The following FBXL5 variants were observed in gnomAD, a reference collection of about 807,000 sequenced individuals.
FBXL5 encodes F-box/LRR-repeat protein 5.
A neutral mutation model predicts 78.3 loss-of-function variants in FBXL5; 26 were observed. The ratio of observed to expected loss-of-function variants is 0.33; its 90% CI spans 0.24 to 0.46. The LOEUF (loss-of-function observed/expected upper bound fraction) is 0.46, where lower values mean the gene tolerates loss of function less well. FBXL5 is among the 20% of genes least tolerant of loss of function. FBXL5 has a pLI of 1.00. For synonymous variants in FBXL5, 295 were observed against 282.5 expected, an observed-to-expected ratio of 1.04 and a Z score of -0.45; for missense variants, 710 against 829.2, an observed-to-expected ratio of 0.86 and a Z score of 1.77.
chr4:15,674,689 G>A (rs538393796), intron 1 of FBXL5, among the ~76,000 whole-genome samples: 33 of 147,474 alleles, frequency 2.2e-4, no homozygotes, highest in African/African-American at 7.5e-4. Flanking sequence ...TCACTCTGTC[G>A]CCCAGGCTGG....
At chr4:15,618,909 C>CCTAT (rs1221265527) in intron 9 of FBXL5, among the ~76,000 whole-genome samples, 1 of 103,896 alleles carries the variant, frequency 9.6e-6, no homozygotes, top group Non-Finnish European at 2.1e-5. Context: ...GTGGCTCATG[C>CCTAT]CTGTAATCCC....
chr4:15,668,859 G>A (rs889741371), intron 1 of FBXL5, among the ~76,000 whole-genome samples: 1 of 152,186 alleles, frequency 6.6e-6, no homozygotes, highest in Non-Finnish European at 1.5e-5. Context: ...GATATGGTAT[G>A]TATAACTTTA....
At chr4:15,672,267 C>CT (rs1717800206) in intron 1 of FBXL5, among the ~76,000 whole-genome samples, 1 of 152,234 alleles carries the variant, frequency 6.6e-6, no homozygotes, top group Non-Finnish European at 1.5e-5. Context: ...GCTTTCCAGT[C>CT]TGTCTTGTGG....
chr4:15,650,060 C>T (rs1388268970), intron 1 of FBXL5, among the ~76,000 whole-genome samples: 1 of 152,148 alleles, frequency 6.6e-6, no homozygotes, highest in Non-Finnish European at 1.5e-5. Flanking sequence ...GTAATTTTGC[C>T]ACCCCACTAC....
In FBXL5 at chr4:15,638,201, G is replaced by A. The variant is rs545738304; in HGVS notation, c.583+307C>T. 2.0e-5 allele frequency among the ~76,000 whole-genome samples: 3 copies of A among 152,284 alleles called. No individual in the cohort carries two copies. The South Asian group carries it at 6.2e-4, about 32-fold the overall frequency. On this transcript the variant is annotated intron_variant, in intron 4 of 10. Transcript: ENST00000341285. The stretch of plus-strand genomic sequence containing the variant: ...TAGTTTTCAACAATTTTGACTGATC[G>A]ATTTTGAGCAGGCCAGTGCTCTGTA...
chr4:15,608,441 G>A (rs1374726155), intron 10 of FBXL5, among the ~76,000 whole-genome samples: 1 of 151,840 alleles, frequency 6.6e-6, no homozygotes, highest in Non-Finnish European at 1.5e-5. Flanking sequence ...CAGAGATAAT[G>A]GGGGAAGAAA....
At chr4:15,640,961 G>A in intron 2 of FBXL5, 78 bp from the exon 3 acceptor site, 1 of 746,614 alleles carries the variant, frequency 1.3e-6, no homozygotes, top group East Asian at 3.0e-5. Flanking sequence ...AGTTTAAAAT[G>A]TGACATAAAA....
At chr4:15,657,850 G>A (rs1475985881), upstream of FBXL5, among the ~76,000 whole-genome samples, 1 of 152,184 alleles carries the variant, frequency 6.6e-6, no homozygotes, top group African/African-American at 2.4e-5. Flanking sequence ...GGGTTATTAA[G>A]ACCAAGGTTG....
intron 1 of FBXL5, among the ~76,000 whole-genome samples, chr4:15,669,524 C>A (rs368442189): frequency 5.3e-5 from 8 of 151,882 alleles, no homozygotes; most frequent in Admixed American, 5.2e-4. Context: ...GCAACAGAGA[C>A]CTTGTCTCAA....
At chr4:15,667,943 T>A (rs987998944) in intron 1 of FBXL5, among the ~76,000 whole-genome samples, 2 of 150,930 alleles carry the variant, frequency 1.3e-5, no homozygotes, top group African/African-American at 4.9e-5. Flanking sequence ...CGGGAGGTTG[T>A]GGGAGGAGAA....
chr4:15,681,549 T>A (rs1028751801), exon 1 of FBXL5: 1 of 154,886 alleles, frequency 6.5e-6, no homozygotes, highest in Non-Finnish European at 1.5e-5. Context: ...TTCTCCGCGG[T>A]GTCTCCTAGG....
chr4:15,616,287 G>C (rs1711860776), intron 9 of FBXL5, among the ~76,000 whole-genome samples: 1 of 152,208 alleles, frequency 6.6e-6, no homozygotes, highest in South Asian at 2.1e-4. Context: ...ACACATTATG[G>C]CTGCCTCTGC....
At chr4:15,659,463 C>G (rs1280653380), upstream of FBXL5, among the ~76,000 whole-genome samples, 1 of 152,152 alleles carries the variant, frequency 6.6e-6, no homozygotes, top group Non-Finnish European at 1.5e-5. Context: ...AGATTCAGTT[C>G]TGGGAATCTC....
intron 1 of FBXL5, among the ~76,000 whole-genome samples, chr4:15,646,062 T>G (rs1473545189): frequency 6.6e-6 from 1 of 152,166 alleles, no homozygotes; most frequent in Non-Finnish European, 1.5e-5. Context: ...ATTGGCAACT[T>G]TTCTATAAAA....
At chr4:15,660,409 G>A (rs954878890), upstream of FBXL5, among the ~76,000 whole-genome samples, 5 of 152,050 alleles carry the variant, frequency 3.3e-5, no homozygotes, top group African/African-American at 1.2e-4. Context: ...ACTCAAAACA[G>A]AGTACCAAAA....
At chr4:15,657,857 G>T (rs368721385), upstream of FBXL5, among the ~76,000 whole-genome samples, 131 of 152,248 alleles carry the variant, frequency 8.6e-4, no homozygotes, top group African/African-American at 2.8e-3. Context: ...TAAGACCAAG[G>T]TTGTCACTTT....
At chr4:15,643,835 T>C (rs1462714919) in intron 2 of FBXL5, among the ~76,000 whole-genome samples, 3 of 152,228 alleles carry the variant, frequency 2.0e-5, no homozygotes, top group Non-Finnish European at 4.4e-5. Flanking sequence ...CAGCAAATGT[T>C]AACAGAATGT....
At chr4:15,647,857 T>C (rs528808619) in intron 1 of FBXL5, among the ~76,000 whole-genome samples, 180 of 152,160 alleles carry the variant, frequency 1.2e-3, no homozygotes, top group South Asian at 2.3e-3. Context: ...ACAGAGTTCT[T>C]GTGAGAATTT....
chr4:15,640,648 C>G (rs1423713617), intron 3 of FBXL5, 140 bp downstream of exon 3: 3 of 402,744 alleles, frequency 7.4e-6, no homozygotes, highest in Non-Finnish European at 1.3e-5. Flanking sequence ...CTTGGGTTTT[C>G]TTTTTTCCCA....
Sources: allele counts gnomAD v4.1 joint callset (sites outside exome capture counted in the v4.1 genomes callset), GRCh38; gene constraint gnomAD v4.1.1; transcripts MANE v1.5; gene names NCBI Gene and HGNC (gene_info 2026-07-23, HGNC 2026-07-21).